The following TMEM120B variants were observed in gnomAD, a reference collection of about 807,000 sequenced individuals.
TMEM120B encodes the protein transmembrane protein 120B.
TMEM120B carries 31 observed loss-of-function variants against 55.5 expected under a neutral mutation model. The observed-to-expected ratio is 0.56, with a 90% CI of 0.42 to 0.75. TMEM120B has a LOEUF of 0.75. Ranked by LOEUF, TMEM120B falls within the 30% of genes least tolerant of loss-of-function variation. TMEM120B has a pLI of 0.00. For synonymous variants in TMEM120B, 203 were observed against 176.3 expected, an observed-to-expected ratio of 1.15 and a Z score of -1.20; for missense variants, 399 against 425.5, an observed-to-expected ratio of 0.94 and a Z score of 0.55.
chr12:121,720,625 C>T (rs1234393830), intron 1 of TMEM120B, among the ~76,000 whole-genome samples: 1 of 151,968 alleles, frequency 6.6e-6, no homozygotes, highest in Admixed American at 6.6e-5. Context: ...AGAGGAGGAT[C>T]GCCTGAGCCC....
intron 2 of TMEM120B, among the ~76,000 whole-genome samples, chr12:121,746,508 T>C (rs1873088364): frequency 6.6e-6 from 1 of 152,066 alleles, no homozygotes; most frequent in South Asian, 2.1e-4. Flanking sequence ...CTTTAATTAA[T>C]TTTTTATAGA....
chr12:121,724,802 A>G (rs1399026069), intron 1 of TMEM120B, among the ~76,000 whole-genome samples: 6 of 151,422 alleles, frequency 4.0e-5, no homozygotes, highest in South Asian at 2.1e-4. Context: ...AGTAGAGACG[A>G]GGTTTCACCA....
chr12:121,717,951 C>T (rs1409783541), intron 1 of TMEM120B, among the ~76,000 whole-genome samples: 1 of 152,196 alleles, frequency 6.6e-6, no homozygotes, highest in Non-Finnish European at 1.5e-5. Flanking sequence ...CTACCGCACC[C>T]AGCCGGGCAT....
In TMEM120B at chr12:121,775,498, C is replaced by A; in HGVS notation, c.907-111C>A. ...GAATCTCTGCCTTCGATGGCAAAAC[C>A]CTGCAGTTTGGGAGTTTGGGGGCAG... On this transcript the variant is annotated intron_variant, in intron 11 of 11. Transcript: ENST00000449592. The surrounding 1 kb of genome is among the most constrained non-coding windows in gnomAD (Gnocchi z 4.3). 6.8e-7 allele frequency: 1 copy of A among 1,479,278 alleles called. No individual in the cohort carries two copies. Among genetic ancestry groups the A allele is most frequent in the Non-Finnish European group, 8.9e-7 (1 of 1,119,060 alleles). The allele number at this position is 1,479,278 out of a possible 1,614,324, so 91.6% of individuals were successfully genotyped here. A position where few individuals can be genotyped will look rare whatever the true frequency, so the allele number is the denominator to read the frequency against.
At chr12:121,736,625 C>T (rs996564263) in intron 1 of TMEM120B, among the ~76,000 whole-genome samples, 7 of 152,162 alleles carry the variant, frequency 4.6e-5, no homozygotes, top group African/African-American at 1.7e-4. Flanking sequence ...TCTCAGCACA[C>T]TGCAACCTCC....
chr12:121,736,776 C>T (rs560434742), intron 1 of TMEM120B, among the ~76,000 whole-genome samples: 4 of 152,000 alleles, frequency 2.6e-5, no homozygotes, highest in Non-Finnish European at 5.9e-5. Flanking sequence ...AACTCCTGAC[C>T]TCAGGTGATC....
chr12:121,717,689 G>T (rs1255228762), intron 1 of TMEM120B, among the ~76,000 whole-genome samples: 1 of 152,106 alleles, frequency 6.6e-6, no homozygotes, highest in Non-Finnish European at 1.5e-5. Context: ...ACGGAGTCTC[G>T]CTCTGTTGCC....
At chr12:121,751,211 C>T (rs1224394728) in intron 4 of TMEM120B, among the ~76,000 whole-genome samples, 2 of 127,428 alleles carry the variant, frequency 1.6e-5, no homozygotes, top group Non-Finnish European at 3.3e-5. Flanking sequence ...TATACTCACA[C>T]CCCACACCCA....
chr12:121,770,446 G>A (rs1181659758), intron 6 of TMEM120B, among the ~76,000 whole-genome samples: 3 of 152,106 alleles, frequency 2.0e-5, no homozygotes, highest in Non-Finnish European at 4.4e-5. Flanking sequence ...GCAGGAATTG[G>A]AGCCACTATT....
intron 5 of TMEM120B, among the ~76,000 whole-genome samples, chr12:121,753,143 G>C (rs971870337): frequency 8.5e-5 from 13 of 152,200 alleles, no homozygotes; most frequent in Admixed American, 2.6e-4. Flanking sequence ...ACTGTCACCA[G>C]TACGGAGCCA....
At position 121,781,312 on chromosome 12, in the gene TMEM120B, C is replaced by CGTAT; in HGVS notation, c.*5590_*5591insGTAT. The CGTAT allele has an allele frequency of 1.2e-6, 1 of 804,214 alleles. No homozygotes were observed. Among genetic ancestry groups the CGTAT allele is most frequent in the Non-Finnish European group, 2.0e-6 (1 of 503,548 alleles). The allele number at this position is 804,214 out of a possible 1,614,324, so 49.8% of individuals were successfully genotyped here. On this transcript the variant is annotated 3_prime_UTR_variant, in exon 12 of 12. Coordinates refer to ENST00000449592, the MANE Select transcript of TMEM120B (RefSeq NM_001080825.2). ...TAGGGCCTCAATTTCCTCATCTATA[C>CGTAT]AATGGGCAGCAAGCCAGGAGTGCTG...
In TMEM120B at chr12:121,781,089, G is replaced by A. The variant is rs756665711; in HGVS notation, c.*5367G>A. On this transcript the variant is annotated 3_prime_UTR_variant, in exon 12 of 12. Transcript: ENST00000449592. ...CCCAGGAGGCCGGCCTCACCTTGAT[G>A]AGGACGTTGTCGTAGCTGGTGGGAT... 2.5e-6 allele frequency: 4 copies of A among 1,614,246 alleles called. No individual in the cohort carries two copies. The highest frequency in any genetic ancestry group is 1.1e-5 in the South Asian group (1 of 91,084).
intron 8 of TMEM120B, among the ~76,000 whole-genome samples, chr12:121,772,133 T>TTCTC (rs779334778): frequency 6.3e-4 from 95 of 150,824 alleles, no homozygotes; most frequent in African/African-American, 2.2e-3. Context: ...CTTTCTCTCT[T>TTCTC]TCTTTCTTTC....
rs1274943185 is a variant in TMEM120B at position 121,743,766 on chromosome 12, C to T, written c.188+19C>T. ...TCCAGAGGTAGGTGCAGCTGTAGCCCGGGGGCTGCCCTGGTTCTGAGGGAC... is the reference window on the plus strand; with the variant it reads ...TCCAGAGGTAGGTGCAGCTGTAGCCTGGGGGCTGCCCTGGTTCTGAGGGAC... On this transcript the variant is annotated intron_variant, in intron 2 of 11. Transcript: ENST00000449592. The T allele has an allele frequency of 1.7e-5, 27 of 1,575,762 alleles. No individual in the cohort carries two copies. Among genetic ancestry groups the T allele is most frequent in the African/African-American group, 4.0e-5 (3 of 74,106 alleles).
chr12:121,740,027 T>C (rs921435869), intron 1 of TMEM120B, among the ~76,000 whole-genome samples: 10 of 151,756 alleles, frequency 6.6e-5, no homozygotes, highest in Middle Eastern at 3.4e-3. Context: ...GATCGGCCCA[T>C]CTTGGCCTCC....
At chr12:121,755,660 T>C (rs7965407) in intron 5 of TMEM120B, among the ~76,000 whole-genome samples, 12,985 of 151,888 alleles carry the variant, frequency 0.085, 995 homozygotes, top group African/African-American at 0.2. Flanking sequence ...GTAGTTTATT[T>C]AGGAGGTGAT....
intron 2 of TMEM120B, among the ~76,000 whole-genome samples, 139 bp from the exon 3 acceptor site, chr12:121,748,167 ACTGGGGTAGAAGGTGGGAGG>A (rs1483261966): frequency 0.038 from 747 of 19,700 alleles, 167 homozygotes; most frequent in Middle Eastern, 0.091. Context: ...GGTGGGAGGC[ACTGGGGTAGAAGGTGGGAGG>A]CTGGGGTAGA....
rs772628954 is a variant in TMEM120B at position 121,781,020 on chromosome 12, A to C, written c.*5298A>C. 1 of 1,613,140 alleles carries C rather than the reference A, an allele frequency of 6.2e-7. No homozygotes were observed. The highest frequency in any genetic ancestry group is 2.2e-5 in the East Asian group (1 of 44,864). On this transcript the variant is annotated 3_prime_UTR_variant, in exon 12 of 12. Transcript: ENST00000449592. ...CTCAGGGAACCACTGTGGAGGGAGG[A>C]GGCGGGATCAGGGGTGCGGCCGGGC...
In TMEM120B at chr12:121,771,067, G is replaced by C. The variant is rs1318196756; in HGVS notation, c.617+95G>C. The C allele has an allele frequency of 4.4e-6, 6 of 1,363,344 alleles. No individual in the cohort carries two copies. In the Admixed American group the frequency reaches 9.1e-5, roughly 21 times the overall value. 84.5% of individuals were successfully genotyped at this position (1,363,344 alleles called of 1,614,324 possible). A position where few individuals can be genotyped will look rare whatever the true frequency, so the allele number is the denominator to read the frequency against. On this transcript the variant is annotated intron_variant, in intron 7 of 11. Transcript: ENST00000449592. ...GGGCTGATCCAGACAGCGGTGGGGG[G>C]TGTGCTCCAGGGCCAACTTGGGAAA...
Sources: allele counts gnomAD v4.1 joint callset (sites outside exome capture counted in the v4.1 genomes callset), GRCh38; gene constraint gnomAD v4.1.1; non-coding constraint Gnocchi (gnomAD v3.1); transcripts MANE v1.5; gene names NCBI Gene and HGNC (gene_info 2026-07-23, HGNC 2026-07-21).